The following CRHR2 variants were observed in gnomAD, a reference collection of about 807,000 sequenced individuals.
CRHR2 encodes the protein corticotropin releasing hormone receptor 2.
CRHR2 carries 53 observed loss-of-function variants against 57.9 expected under a neutral mutation model. The observed-to-expected ratio is 0.92, with a 90% confidence interval of 0.73 to 1.15. CRHR2 has a LOEUF of 1.15. Among genes scored for constraint, CRHR2 ranks in the 50% most tolerant of loss-of-function variants. The probability of loss-of-function intolerance (pLI) is 0.00; values close to 1 mark genes in which losing one functional copy is unlikely to be tolerated. For missense variants in CRHR2, 532 were observed against 542.6 expected, an observed-to-expected ratio of 0.98 and a Z score of 0.19; for synonymous variants, 213 against 220.9, an observed-to-expected ratio of 0.96 and a Z score of 0.32.
At chr7:30,686,706 C>T (rs771730670), upstream of CRHR2, 1 of 454,694 alleles carries the variant, frequency 2.2e-6, no homozygotes, top group African/African-American at 2.0e-5. Flanking sequence ...ATAATATATG[C>T]CCTAATATTT....
chr7:30,679,154 C>G (rs1784616609), intron 2 of CRHR2, among the ~76,000 whole-genome samples: 1 of 152,242 alleles, frequency 6.6e-6, no homozygotes, highest in African/African-American at 2.4e-5. Context: ...CTATTACACT[C>G]ACCTGCTAAA....
Position 30,655,920 on chromosome 7 carries a change from CACAT to C in CRHR2, c.917+3_917+6del. On this transcript the variant is annotated splice_donor_5th_base_variant and intron_variant, in intron 9 of 11. Coordinates refer to ENST00000471646, the MANE Select transcript of CRHR2 (RefSeq NM_001883.5). ...CCATTGTGGGGTCAAGGGACCCCCT[CACAT>C]ACCTGTACTGGATTGTCTCGGATGT... 1 of 1,613,806 alleles carries C rather than the reference CACAT, an allele frequency of 6.2e-7. No homozygotes were observed. The highest frequency in any genetic ancestry group is 2.2e-5 in the East Asian group (1 of 44,884).
In CRHR2 at chr7:30,682,297, G is replaced by A; in HGVS notation, c.-17C>T. 6.5e-7 allele frequency: 1 copy of A among 1,548,664 alleles called. No individual in the cohort carries two copies. The highest frequency in any genetic ancestry group is 8.7e-7 in the Non-Finnish European group (1 of 1,154,838). ...CGCGTCCATCGCGTCCCGCAGCCGC[G>A]TGCGGAGAGGGAGTGGGAGTGCGCG... On this transcript the variant is annotated 5_prime_UTR_variant, in exon 1 of 12. It adds an upstream start codon to the 5' untranslated region. Coordinates refer to ENST00000471646, the MANE Select transcript of CRHR2 (RefSeq NM_001883.5).
chr7:30,665,541 G>A lies in CRHR2; in HGVS notation c.414C>T (p.Phe138=). The part of the protein sequence containing the change: ...VAALVAAFLL[F]LALRSIRCLR... ...AAGGGCAGACTCACCGCAGGGCCAG[G>A]AAAAGCAGGAAGGCGGCCACCAGGG... Residue 138 remains phenylalanine (F), a synonymous_variant, in exon 4 of 12, where the codon TTC becomes TTT. Coordinates refer to ENST00000471646, the MANE Select transcript of CRHR2 (RefSeq NM_001883.5). This position sits in a 1 kb window ranked among gnomAD's most constrained non-coding sequence, Gnocchi z 4.5. The A allele has an allele frequency of 1.3e-6, 2 of 1,559,484 alleles. No homozygotes were observed. Among genetic ancestry groups the A allele is most frequent in the Non-Finnish European group, 1.7e-6 (2 of 1,151,032 alleles).
Position 30,653,578 on chromosome 7 carries a change from C to T in CRHR2, c.1118G>A (p.Arg373Lys). The T allele has an allele frequency of 6.2e-7, 1 of 1,612,394 alleles. No homozygotes were observed. Residue 373 changes from arginine (R) to lysine (K), a missense_variant, in exon 12 of 12, where the codon AGG becomes AAG. Physicochemically the swap from Arg to Lys is conservative, Grantham distance 26. Transcript: ENST00000471646. This position sits in a 1 kb window ranked among gnomAD's most constrained non-coding sequence, Gnocchi z 5.0. ...NGEVRSAVRK[R>K]WHRWQDHHSL... ...GTGATGGTCCTGCCAGCGGTGCCACCTCTTCCTCACGGCTGAGCGCACCTG... is the reference window on the plus strand; with the variant it reads ...GTGATGGTCCTGCCAGCGGTGCCACTTCTTCCTCACGGCTGAGCGCACCTG...
rs1783671755 is a variant in CRHR2, at chr7:30,653,728, A to C, written c.1096-128T>G. On this transcript the variant is annotated intron_variant, in intron 11 of 11. Transcript: ENST00000471646. This position sits in a 1 kb window ranked among gnomAD's most constrained non-coding sequence, Gnocchi z 5.0. ...TCATGACAAGGAACTGTCTGCTTCCAAAACAGGTCCTTCCCTGATGCTGTT... is the reference window on the plus strand; with the variant it reads ...TCATGACAAGGAACTGTCTGCTTCCCAAACAGGTCCTTCCCTGATGCTGTT... The C allele has an allele frequency of 8.6e-7, 1 of 1,159,104 alleles. No homozygotes were observed. The highest frequency in any genetic ancestry group is 1.2e-6 in the Non-Finnish European group (1 of 859,936). 71.8% of individuals were successfully genotyped at this position (1,159,104 alleles called of 1,614,324 possible).
At chr7:30,697,577 C>G (rs947843273) in intron 1 of CRHR2, among the ~76,000 whole-genome samples, 1 of 152,096 alleles carries the variant, frequency 6.6e-6, no homozygotes, top group African/African-American at 2.4e-5. Context: ...CCTCCAGGCT[C>G]TCAGTGTGCC....
chr7:30,659,335 A>G (rs1286719590), intron 8 of CRHR2, among the ~76,000 whole-genome samples: 1 of 152,124 alleles, frequency 6.6e-6, no homozygotes. Flanking sequence ...CCCTTCCAAC[A>G]TCTTTACAGT....
chr7:30,699,682 G>T, intron 1 of CRHR2: 1 of 248,818 alleles, frequency 4.0e-6, no homozygotes. Flanking sequence ...CAGCCTCACA[G>T]TTTCATCTTC....
chr7:30,659,320 C>T (rs1209991835), intron 8 of CRHR2, among the ~76,000 whole-genome samples: 1 of 152,222 alleles, frequency 6.6e-6, no homozygotes, highest in African/African-American at 2.4e-5. Flanking sequence ...GGCATTTCCT[C>T]ACCACCCTTC....
chr7:30,683,743 A>C (rs1428557915), upstream of CRHR2, among the ~76,000 whole-genome samples: 1 of 152,102 alleles, frequency 6.6e-6, no homozygotes, highest in African/African-American at 2.4e-5. Flanking sequence ...GAAGACATAC[A>C]TGTGTGTTGT....
rs757749023 is a variant in CRHR2, at chr7:30,662,190, A to G, written c.724T>C (p.Trp242Arg). The change falls in exon 7 of 12, where the codon TGG (tryptophan) becomes CGG (arginine). Residue 242 changes from tryptophan to arginine, a missense_variant. Trp to Arg is a moderately radical substitution (Grantham distance 101, BLOSUM62 -3). Coordinates refer to ENST00000471646, the MANE Select transcript of CRHR2 (RefSeq NM_001883.5). ...TCATAGTAGAGCTTGCCGATGGCCCAGGCGACGATGATGGGGAAGGGGATG... is the reference window on the plus strand; with the variant it reads ...TCATAGTAGAGCTTGCCGATGGCCCGGGCGACGATGATGGGGAAGGGGATG... ...WCIPFPIIVA[W>R]AIGKLYYENE... The G allele has an allele frequency of 3.0e-5, 48 of 1,614,036 alleles. No homozygotes were observed. Among genetic ancestry groups the G allele is most frequent in the Non-Finnish European group, 3.8e-5 (45 of 1,180,026 alleles).
intron 1 of CRHR2, among the ~76,000 whole-genome samples, chr7:30,690,966 C>G (rs907439080): frequency 1.3e-5 from 2 of 152,180 alleles, no homozygotes; most frequent in African/African-American, 4.8e-5. Context: ...GCCTGCAGGA[C>G]AAACACTGGG....
At chr7:30,690,815 A>G (rs1295402115) in intron 1 of CRHR2, among the ~76,000 whole-genome samples, 2 of 152,154 alleles carry the variant, frequency 1.3e-5, no homozygotes, top group African/African-American at 4.8e-5. Context: ...GGAGGCACTC[A>G]CTGCACCTGT....
In CRHR2 at chr7:30,653,196, C is replaced by T. The variant is rs918098621; in HGVS notation, c.*264G>A. ...CCCTGGCCAGAGAGGCTGGGATGGG[C>T]AAATGCCTGCAGACATCTGACTGGC... On this transcript the variant is annotated 3_prime_UTR_variant, in exon 12 of 12. Transcript: ENST00000471646. The surrounding 1 kb of genome is among the most constrained non-coding windows in gnomAD (Gnocchi z 5.0). 6.6e-6 allele frequency: 3 copies of T among 451,800 alleles called. No individual in the cohort carries two copies. The highest frequency in any genetic ancestry group is 4.0e-5 in the East Asian group (1 of 24,972). The allele number at this position is 451,800 out of a possible 1,614,324, so 28.0% of individuals were successfully genotyped here. A position where few individuals can be genotyped will look rare whatever the true frequency, so the allele number is the denominator to read the frequency against.
rs567455192 is a variant in CRHR2 at position 30,662,758 on chromosome 7, C to A, written c.633G>T (p.Thr211=). The change falls in exon 6 of 12, where the codon ACG becomes ACT. Residue 211 remains threonine (T), a synonymous_variant. Coordinates refer to ENST00000471646, the MANE Select transcript of CRHR2 (RefSeq NM_001883.5). ...WMFVEGCYLH[T]AIVMTYSTER... ...CAGTGGAGTAGGTCATGACAATGGC[C>A]GTGTGCAGGTAGCAGCCTTCCACAA... The A allele has an allele frequency of 6.2e-7, 1 of 1,614,184 alleles. No homozygotes were observed. Among genetic ancestry groups the A allele is most frequent in the Non-Finnish European group, 8.5e-7 (1 of 1,180,028 alleles).
chr7:30,696,412 A>G (rs1785057714), intron 1 of CRHR2, among the ~76,000 whole-genome samples: 1 of 152,190 alleles, frequency 6.6e-6, no homozygotes. Flanking sequence ...CCTACTATGT[A>G]CCCACAAAAA....
chr7:30,700,020 G>A (rs1056976123), exon 1 of CRHR2: 22 of 1,432,722 alleles, frequency 1.5e-5, no homozygotes, highest in Non-Finnish European at 2.0e-5. Context: ...TGGGGGCCCT[G>A]AGGGACCCCT....
chr7:30,665,575 G>T lies in CRHR2; in HGVS notation c.380C>A (p.Ser127Tyr), dbSNP rs761803397. 3.2e-6 allele frequency: 5 copies of T among 1,564,860 alleles called. No individual in the cohort carries two copies. Among genetic ancestry groups the T allele is most frequent in the African/African-American group, 1.4e-5 (1 of 73,662 alleles). ...GAAGGCGGCCACCAGGGCTGCCACA[G>T]ATACGCAGTGGCCCAGGTAGTTGAC... ...LVVNYLGHCV[S>Y]VAALVAAFLL... Residue 127 changes from serine (S) to tyrosine (Y), a missense_variant, in exon 4 of 12, where the codon TCT (serine) becomes TAT (tyrosine). Coordinates refer to ENST00000471646, the MANE Select transcript of CRHR2 (RefSeq NM_001883.5). This position sits in a 1 kb window ranked among gnomAD's most constrained non-coding sequence, Gnocchi z 4.5.
Sources: allele counts gnomAD v4.1 joint callset (sites outside exome capture counted in the v4.1 genomes callset), GRCh38; gene constraint gnomAD v4.1.1; non-coding constraint Gnocchi (gnomAD v3.1); transcripts MANE v1.5; gene names NCBI Gene and HGNC (gene_info 2026-07-23, HGNC 2026-07-21).